The following GTF3C1 variants were observed in gnomAD, a reference collection of about 807,000 sequenced individuals.
GTF3C1 encodes general transcription factor IIIC subunit 1, also known as general transcription factor 3C polypeptide 1.
In GTF3C1, 57 loss-of-function variants were observed where a neutral mutation model predicts 226.7. That is an observed-to-expected ratio of 0.25 (90% CI 0.20 to 0.31). The LOEUF (loss-of-function observed/expected upper bound fraction) is 0.31. Among genes scored for constraint, GTF3C1 ranks in the 10% least tolerant of loss-of-function variants. The pLI, the probability that GTF3C1 is intolerant of heterozygous loss-of-function variation, is 1.00. For synonymous variants in GTF3C1, 1,090 were observed against 1,084.8 expected (o/e 1.00, Z -0.09); for missense variants, 2,217 against 2,776.1 (o/e 0.80, Z 4.53).
rs2087696124 is a variant in GTF3C1, at chr16:27,461,111, G to A, written c.*239C>T. The A allele has an allele frequency of 2.1e-6, 1 of 475,174 alleles. No homozygotes were observed. The highest frequency in any genetic ancestry group is 3.8e-6 in the Non-Finnish European group (1 of 263,870). 29.4% of individuals were successfully genotyped at this position (475,174 alleles called of 1,614,324 possible). A position where few individuals can be genotyped will look rare whatever the true frequency, so the allele number is the denominator to read the frequency against. Reference sequence around the variant, plus strand: ...AAGCACCAACTCCCAGTGTGATGAGGCCAGTTCCCAAGGGGAAGGCCCAGA... The same window carrying A: ...AAGCACCAACTCCCAGTGTGATGAGACCAGTTCCCAAGGGGAAGGCCCAGA... On this transcript the variant is annotated 3_prime_UTR_variant, in exon 37 of 37. Transcript: ENST00000356183. This position sits in a 1 kb window ranked among gnomAD's most constrained non-coding sequence, Gnocchi z 5.3.
Position 27,464,691 on chromosome 16 carries a change from G to C in GTF3C1, c.5501C>G (p.Ala1834Gly). The change falls in exon 34 of 37, where the codon GCC becomes GGC. Residue 1834 changes from alanine (A) to glycine (G), a missense_variant. Ala to Gly is a moderately conservative substitution (Grantham distance 60). This residue lies in a region of GTF3C1 where 455 missense variants were observed against 441.9 expected (regional missense o/e 1.03). Coordinates refer to ENST00000356183, the MANE Select transcript of GTF3C1 (RefSeq NM_001520.4). ...DADIQREDPQ[A>G]RPLEGSSSED... ...ACTGGAAGACCCCTCCAGGGGTCTGGCCTGGGGGTCTTCTCTCTGGATGTC... is the reference window on the plus strand; with the variant it reads ...ACTGGAAGACCCCTCCAGGGGTCTGCCCTGGGGGTCTTCTCTCTGGATGTC... 6.3e-7 allele frequency: 1 copy of C among 1,597,468 alleles called. No individual in the cohort carries two copies. The highest frequency in any genetic ancestry group is 2.2e-5 in the East Asian group (1 of 44,592).
chr16:27,502,643 A>G (rs901509177), intron 11 of GTF3C1, among the ~76,000 whole-genome samples: 2 of 152,076 alleles, frequency 1.3e-5, no homozygotes, highest in African/African-American at 4.8e-5. Flanking sequence ...GTTCCTCAGT[A>G]TCTGCTCCTT....
chr16:27,514,455 C>T lies in GTF3C1; in HGVS notation c.974-2554G>A, dbSNP rs115150432. On this transcript the variant is annotated intron_variant, in intron 6 of 36. Transcript: ENST00000356183. ...ACTGGGACAGGGTCACAGTGCCAGG[C>T]TCCCTTTCTACAAGCAGCACCTCTA... Among the ~76,000 whole-genome samples the T allele has an allele frequency of 3.6e-3, 544 of 152,216 alleles. 1 individual carries two copies. The highest frequency in any genetic ancestry group is 0.017 in the Middle Eastern group (5 of 294).
chr16:27,520,565 C>T (rs892342521), intron 6 of GTF3C1, among the ~76,000 whole-genome samples: 3 of 152,314 alleles, frequency 2.0e-5, no homozygotes, highest in Non-Finnish European at 4.4e-5. Flanking sequence ...GTTTTTCTCA[C>T]TAATTGTACA....
At chr16:27,538,882 T>C (rs1402173017) in intron 2 of GTF3C1, among the ~76,000 whole-genome samples, 1 of 151,808 alleles carries the variant, frequency 6.6e-6, no homozygotes, top group Non-Finnish European at 1.5e-5. Flanking sequence ...TTTCAGAAAA[T>C]GCCAACTAGA....
At chr16:27,465,587 C>G in intron 32 of GTF3C1, 47 bp from the exon 33 acceptor site, 1 of 1,458,182 alleles carries the variant, frequency 6.9e-7, no homozygotes, top group East Asian at 2.4e-5. Flanking sequence ...CAGAGGCCCC[C>G]CTCCCCTGAC....
At chr16:27,531,699 G>A (rs1165495735) in intron 5 of GTF3C1, among the ~76,000 whole-genome samples, 1 of 152,236 alleles carries the variant, frequency 6.6e-6, no homozygotes, top group African/African-American at 2.4e-5. Flanking sequence ...AGTCCACAGG[G>A]CTGACCTGAA....
chr16:27,476,442 G>A lies in GTF3C1; in HGVS notation c.4353+9C>T, dbSNP rs567156711. ...ATCCCCGCTGTGCTGCCGGGCAGCC[G>A]ACACCCACCTGGAATGACTGGTAGG... On this transcript the variant is annotated intron_variant, in intron 29 of 36. Transcript: ENST00000356183. 3.2e-6 allele frequency: 5 copies of A among 1,579,842 alleles called. No individual in the cohort carries two copies. Among genetic ancestry groups the A allele is most frequent in the Admixed American group, 1.7e-5 (1 of 59,948 alleles).
chr16:27,481,013 A>G (rs557600059), intron 27 of GTF3C1, 66 bp downstream of exon 27: 40 of 1,321,118 alleles, frequency 3.0e-5, no homozygotes, highest in Middle Eastern at 3.6e-4. Context: ...CTGATAAGGG[A>G]GACAGGGCTG....
chr16:27,478,743 T>G lies in GTF3C1; in HGVS notation c.4197-212A>C, dbSNP rs888350434. On this transcript the variant is annotated intron_variant, in intron 27 of 36. Coordinates refer to ENST00000356183, the MANE Select transcript of GTF3C1 (RefSeq NM_001520.4). The stretch of plus-strand genomic sequence containing the variant: ...AAAGGAGGGCTGAGAAAATGTGCAA[T>G]GTTCACTCACCGACAATTATGTGGC... 14 of 586,174 alleles carry G rather than the reference T, an allele frequency of 2.4e-5. No homozygotes were observed. In the South Asian group the frequency reaches 2.5e-4, roughly 10 times the overall value. The allele number at this position is 586,174 out of a possible 1,614,324, so 36.3% of individuals were successfully genotyped here. A position where few individuals can be genotyped will look rare whatever the true frequency, so the allele number is the denominator to read the frequency against.
intron 24 of GTF3C1, 121 bp downstream of exon 24, chr16:27,485,876 C>T (rs1567392348): frequency 6.5e-6 from 4 of 610,970 alleles, no homozygotes; most frequent in Non-Finnish European, 1.1e-5. Context: ...CAATGCTTTT[C>T]CCAGTGGCGA....
chr16:27,464,603 G>T lies in GTF3C1; in HGVS notation c.5589C>A (p.Arg1863=). 6.7e-7 allele frequency: 1 copy of T among 1,494,644 alleles called. No homozygotes were observed. Among genetic ancestry groups the T allele is most frequent in the Non-Finnish European group, 8.9e-7 (1 of 1,121,854 alleles). The allele number at this position is 1,494,644 out of a possible 1,614,324, so 92.6% of individuals were successfully genotyped here. The part of the protein sequence containing the change: ...PSHSPRGTKR[R]ASWASENGET... ...CCCCATTCTCACTGGCCCAGCTGGC[G>T]CGCCTCTTGGTGCCCCGGGGGCTGT... is the stretch of plus-strand genomic sequence containing the variant. Residue 1863 remains arginine, a synonymous_variant, in exon 34 of 37, where the codon CGC becomes CGA. Coordinates refer to ENST00000356183, the MANE Select transcript of GTF3C1 (RefSeq NM_001520.4).
rs1303733870 is a variant in GTF3C1, at chr16:27,464,656, G to T, written c.5536C>A (p.Pro1846Thr). Residue 1846 changes from proline (P) to threonine (T), a missense_variant, in exon 34 of 37, where the codon CCC becomes ACC. Pro to Thr is a conservative substitution (Grantham distance 38, BLOSUM62 -1). Around this residue, in one of 12 missense-constraint regions of GTF3C1, gnomAD observed 455 missense variants for 441.9 expected, o/e 1.03. Transcript: ENST00000356183. ...PLEGSSSEDS[P>T]PEGQAPPSHS... ...GAAGGAGGTGCCTGCCCCTCGGGGG[G>T]GCTGTCCTCACTGGAAGACCCCTCC... 5 of 1,536,672 alleles carry T rather than the reference G, an allele frequency of 3.3e-6. No individual in the cohort carries two copies. The highest frequency in any genetic ancestry group is 2.3e-5 in the East Asian group (1 of 43,444).
intron 9 of GTF3C1, 32 bp downstream of exon 9, chr16:27,506,815 C>T (rs372272241): frequency 1.9e-5 from 29 of 1,529,166 alleles, no homozygotes; most frequent in South Asian, 1.3e-4. Flanking sequence ...GTGCAGTGCA[C>T]GCAGCCCCTG....
Position 27,475,047 on chromosome 16 carries a change from C to T in GTF3C1, c.4353+1404G>A, listed in dbSNP as rs9788850. Among the ~76,000 whole-genome samples the T allele has an allele frequency of 4.1e-4, 63 of 152,354 alleles. 2 individuals carry two copies. In the East Asian group the frequency reaches 0.01, roughly 25 times the overall value. ...TCTGAAGCAGGGCATTCAAGCCCAG[C>T]GTGGCATTTTCCTGAACCAGTTCCA... On this transcript the variant is annotated intron_variant, in intron 29 of 36. Transcript: ENST00000356183.
intron 6 of GTF3C1, among the ~76,000 whole-genome samples, chr16:27,525,437 C>T (rs1214650373): frequency 6.6e-6 from 1 of 152,248 alleles, no homozygotes; most frequent in Non-Finnish European, 1.5e-5. Context: ...AGGTTTTGCT[C>T]TAGGAAGGTT....
chr16:27,488,278 G>A lies in GTF3C1; in HGVS notation c.3649C>T (p.Arg1217Trp), dbSNP rs758894305. 1.5e-5 allele frequency: 25 copies of A among 1,614,000 alleles called. No individual in the cohort carries two copies. The highest frequency in any genetic ancestry group is 1.6e-4 in the Middle Eastern group (1 of 6,084). ...CCAGGGTCCTTCTTCAGCCGCTTCC[G>A]CTTCTGGCTTTTCCCACCCCTCACT... ...RRVRGGKSQK[R>W]KRLKKDPGKK... The change falls in exon 23 of 37, where the codon CGG becomes TGG. Residue 1217 changes from arginine to tryptophan, a missense_variant. Physicochemically the swap from Arg to Trp is moderately radical, Grantham distance 101. This residue lies in a region of GTF3C1 where 546 missense variants were observed against 663.0 expected (regional missense o/e 0.82). Coordinates refer to ENST00000356183, the MANE Select transcript of GTF3C1 (RefSeq NM_001520.4).
chr16:27,545,911 T>C (rs1294187043), intron 1 of GTF3C1, among the ~76,000 whole-genome samples: 2 of 152,204 alleles, frequency 1.3e-5, no homozygotes, highest in African/African-American at 4.8e-5. Context: ...TCCAATGGCA[T>C]GATCTTGGCT....
intron 6 of GTF3C1, among the ~76,000 whole-genome samples, chr16:27,525,295 C>A (rs1012270642): frequency 6.6e-6 from 1 of 151,908 alleles, no homozygotes; most frequent in African/African-American, 2.4e-5. Flanking sequence ...CAGGACCCAA[C>A]AATCTTTTCT....
Sources: allele counts gnomAD v4.1 joint callset (sites outside exome capture counted in the v4.1 genomes callset), GRCh38; gene constraint gnomAD v4.1.1; regional missense constraint gnomAD v4.1.1; non-coding constraint Gnocchi (gnomAD v3.1); transcripts MANE v1.5; gene names NCBI Gene and HGNC (gene_info 2026-07-23, HGNC 2026-07-21).